Variants in SLC23A2 observed in about 807,000 individuals in gnomAD.
SLC23A2 encodes the protein Na(+)/L-ascorbic acid transporter 2.
Under a neutral mutation model 73.3 loss-of-function variants are expected in SLC23A2, and 36 were observed. That is an observed-to-expected ratio of 0.49 (90% confidence interval 0.38 to 0.65). The LOEUF (loss-of-function observed/expected upper bound fraction) is 0.65, where lower values mean the gene tolerates loss of function less well. SLC23A2 is among the 30% of genes least tolerant of loss of function. The pLI, the probability that SLC23A2 is intolerant of heterozygous loss-of-function variation, is 0.00. For missense variants in SLC23A2, 507 were observed against 841.6 expected, an observed-to-expected ratio of 0.60 and a Z score of 4.92; for synonymous variants, 343 against 327.3, an observed-to-expected ratio of 1.05 and a Z score of -0.52.
chr20:4,873,197 A>AC (rs2122801381), intron 11 of SLC23A2, among the ~76,000 whole-genome samples: 1 of 152,308 alleles, frequency 6.6e-6, no homozygotes, highest in South Asian at 2.1e-4. Context: ...CCTTGTCATT[A>AC]TAAAAAATGA....
Position 4,883,888 on chromosome 20 carries a change from C to A in SLC23A2, c.643-65G>T. The A allele has an allele frequency of 2.8e-6, 3 of 1,090,388 alleles. No homozygotes were observed. The highest frequency in any genetic ancestry group is 3.9e-6 in the Non-Finnish European group (3 of 764,834). 67.5% of individuals were successfully genotyped at this position (1,090,388 alleles called of 1,614,324 possible). A position where few individuals can be genotyped will look rare whatever the true frequency, so the allele number is the denominator to read the frequency against. On this transcript the variant is annotated intron_variant, in intron 8 of 16. Transcript: ENST00000338244. This position sits in a 1 kb window ranked among gnomAD's most constrained non-coding sequence, Gnocchi z 4.5. ...TGTACACTGCACACTCAGAATGTCA[C>A]CTACAACCACAACTGATAATTCTGC... is the stretch of plus-strand genomic sequence containing the variant.
At chr20:4,971,299 AACACACAC>A (rs35758430) in intron 1 of SLC23A2, among the ~76,000 whole-genome samples, 69 of 142,514 alleles carry the variant, frequency 4.8e-4, no homozygotes, top group South Asian at 9.2e-4. Context: ...GTCTCTACAA[AACACACAC>A]ACACACACAC....
At chr20:4,974,417 G>A (rs574515790) in intron 1 of SLC23A2, among the ~76,000 whole-genome samples, 10 of 152,184 alleles carry the variant, frequency 6.6e-5, no homozygotes, top group African/African-American at 2.2e-4. Context: ...GCGGTGAGCC[G>A]AGATCGCGCA....
chr20:4,922,602 G>A (rs138957870), intron 3 of SLC23A2, among the ~76,000 whole-genome samples: 319 of 151,914 alleles, frequency 2.1e-3, no homozygotes, highest in African/African-American at 7.4e-3. Context: ...CGAGGCAGGA[G>A]GATCACTTGA....
At chr20:4,974,863 C>T (rs1600191554) in intron 1 of SLC23A2, among the ~76,000 whole-genome samples, 1 of 152,226 alleles carries the variant, frequency 6.6e-6, no homozygotes, top group East Asian at 1.9e-4. Flanking sequence ...TCTCAGCTCA[C>T]TGCAACCTCC....
In SLC23A2 at chr20:4,870,116, T is replaced by C. The variant is rs1600084440; in HGVS notation, c.1103-63A>G. On this transcript the variant is annotated intron_variant, in intron 11 of 16. Transcript: ENST00000338244. The stretch of plus-strand genomic sequence containing the variant: ...GCAGGCGAAAGTGACCAGGACCAGT[T>C]ACCCAAAGTCATTCTGAACGCTGCA... The C allele has an allele frequency of 2.9e-6, 4 of 1,388,812 alleles. No individual in the cohort carries two copies. The East Asian group carries it at 9.3e-5, about 32-fold the overall frequency. The allele number at this position is 1,388,812 out of a possible 1,614,324, so 86.0% of individuals were successfully genotyped here. A position where few individuals can be genotyped will look rare whatever the true frequency, so the allele number is the denominator to read the frequency against.
chr20:4,881,799 G>T (rs571258096), intron 9 of SLC23A2, among the ~76,000 whole-genome samples: 4 of 152,234 alleles, frequency 2.6e-5, no homozygotes, highest in Non-Finnish European at 5.9e-5. Flanking sequence ...AGTGTGACTG[G>T]TGCTGTTCTT....
chr20:4,959,841 T>TG (rs2087352241), intron 2 of SLC23A2, among the ~76,000 whole-genome samples: 1 of 152,158 alleles, frequency 6.6e-6, no homozygotes, highest in Non-Finnish European at 1.5e-5. Flanking sequence ...AGGATTACAG[T>TG]GGCAGGCTCA....
intron 1 of SLC23A2, among the ~76,000 whole-genome samples, chr20:5,009,601 G>A (rs570712765): frequency 2.6e-5 from 4 of 152,268 alleles, no homozygotes; most frequent in African/African-American, 9.6e-5. Flanking sequence ...TAAGTTCTCA[G>A]TTCGGTTACT....
Position 4,857,377 on chromosome 20 carries a change from T to C in SLC23A2, c.1721-173A>G, listed in dbSNP as rs113496151. ...AACCTGCCTAGATAACAGCAAAGAA[T>C]ACTTGAGGAGGTGAAGGTGCTCAGC... On this transcript the variant is annotated intron_variant, in intron 16 of 16. Coordinates refer to ENST00000338244, the MANE Select transcript of SLC23A2 (RefSeq NM_005116.6). This position sits in a 1 kb window ranked among gnomAD's most constrained non-coding sequence, Gnocchi z 4.0. Among the ~76,000 whole-genome samples the C allele has an allele frequency of 8.9e-3, 1,331 of 149,804 alleles. 21 individuals are homozygous for C. The highest frequency in any genetic ancestry group is 0.028 in the African/African-American group (1,134 of 40,954).
intron 1 of SLC23A2, among the ~76,000 whole-genome samples, chr20:4,978,553 G>A (rs1024647670): frequency 2.0e-5 from 3 of 152,172 alleles, no homozygotes; most frequent in African/African-American, 7.2e-5. Flanking sequence ...ATGAACAAAA[G>A]GGGCTTAGAA....
At chr20:5,002,995 T>C (rs147965231), upstream of SLC23A2, among the ~76,000 whole-genome samples, 1,181 of 152,304 alleles carry the variant, frequency 7.8e-3, 58 homozygotes, top group South Asian at 0.15. Flanking sequence ...TCACAATCCC[T>C]ACTGGGATTC....
chr20:4,957,775 C>T (rs2087315320), intron 2 of SLC23A2, among the ~76,000 whole-genome samples: 1 of 151,672 alleles, frequency 6.6e-6, no homozygotes, highest in African/African-American at 2.4e-5. Flanking sequence ...GTGGTGGGCG[C>T]CTGTAATCCC....
chr20:4,960,076 G>A (rs1268283049), intron 2 of SLC23A2, among the ~76,000 whole-genome samples: 1 of 152,172 alleles, frequency 6.6e-6, no homozygotes, highest in African/African-American at 2.4e-5. Flanking sequence ...TTACAACTGT[G>A]AGCTATCATA....
At chr20:4,880,922 T>A (rs377596590) in intron 9 of SLC23A2, among the ~76,000 whole-genome samples, 1 of 151,850 alleles carries the variant, frequency 6.6e-6, no homozygotes, top group African/African-American at 2.4e-5. Context: ...CTGGGAGACA[T>A]GAGGGAGAAG....
At position 4,899,813 on chromosome 20, in the gene SLC23A2, C is replaced by T. The variant is rs1053266408; in HGVS notation, c.325-101G>A. ...TCTCTTATTGTCGTTAAAAAATAGC[C>T]CACATAAAGAATCTCCTTGGTTTTT... On this transcript the variant is annotated intron_variant, in intron 5 of 16. Transcript: ENST00000338244. The surrounding 1 kb of genome is among the most constrained non-coding windows in gnomAD (Gnocchi z 4.9). 7 of 1,218,182 alleles carry T rather than the reference C, an allele frequency of 5.7e-6. No individual in the cohort carries two copies. Among genetic ancestry groups the T allele is most frequent in the Non-Finnish European group, 8.1e-6 (7 of 863,338 alleles). The allele number at this position is 1,218,182 out of a possible 1,614,324, so 75.5% of individuals were successfully genotyped here. A position where few individuals can be genotyped will look rare whatever the true frequency, so the allele number is the denominator to read the frequency against.
chr20:4,878,169 T>C (rs1433376143), intron 9 of SLC23A2, among the ~76,000 whole-genome samples: 1 of 152,324 alleles, frequency 6.6e-6, no homozygotes, highest in East Asian at 1.9e-4. Flanking sequence ...GCCTTTCTTG[T>C]GACATTTTTA....
rs1930956401 is a variant in SLC23A2, at chr20:4,883,076, C to A, written c.824+566G>T. On this transcript the variant is annotated intron_variant, in intron 9 of 16. Transcript: ENST00000338244. This position sits in a 1 kb window ranked among gnomAD's most constrained non-coding sequence, Gnocchi z 4.5. ...ACTTTACTTAAAGGGCAAGGGACAT[C>A]TTTAATGGATGTGACATTCTGTACA... is the stretch of plus-strand genomic sequence containing the variant. 6.6e-6 allele frequency among the ~76,000 whole-genome samples: 1 copy of A among 152,172 alleles called. No individual in the cohort carries two copies. Among genetic ancestry groups the A allele is most frequent in the African/African-American group, 2.4e-5 (1 of 41,426 alleles).
intron 9 of SLC23A2, among the ~76,000 whole-genome samples, chr20:4,881,704 C>T (rs1470308705): frequency 6.6e-6 from 1 of 151,966 alleles, no homozygotes; most frequent in Non-Finnish European, 1.5e-5. Flanking sequence ...ATTTTTTTGT[C>T]CTGTTTTCTT....
Sources: gnomAD v4.1 joint callset for allele counts (sites outside exome capture counted in the v4.1 genomes callset) on GRCh38, gnomAD v4.1.1 for gene constraint, Gnocchi (gnomAD v3.1) non-coding constraint, MANE v1.5 for transcripts, NCBI Gene and HGNC (gene_info 2026-07-23, HGNC 2026-07-21) for gene names.